The following RPS6KC1 variants were observed in gnomAD, a reference collection of about 807,000 sequenced individuals.
The protein encoded by RPS6KC1 is ribosomal protein S6 kinase C1, also known as inactive ribosomal protein S6 kinase delta-1.
In RPS6KC1, 54 loss-of-function variants were observed where a neutral mutation model predicts 103.8. That is an observed-to-expected ratio of 0.52 (90% CI 0.42 to 0.65). The LOEUF (loss-of-function observed/expected upper bound fraction) is 0.65. RPS6KC1 is among the 30% of genes least tolerant of loss of function. RPS6KC1 has a pLI of 0.00. For missense variants in RPS6KC1, 1,151 were observed against 1,253.8 expected, an observed-to-expected ratio of 0.92 and a Z score of 1.24; for synonymous variants, 439 against 438.7, an observed-to-expected ratio of 1.00 and a Z score of -0.01.
the RPS6KC1 span, among the ~76,000 whole-genome samples, chr1:213,596,621 C>T: frequency 2.6e-5 from 4 of 152,142 alleles, no homozygotes; most frequent in East Asian, 7.7e-4. Flanking sequence ...GCCCACCACT[C>T]CTGGTTTGAT....
At chr1:213,551,619 C>T in the RPS6KC1 span, among the ~76,000 whole-genome samples, 2 of 152,148 alleles carry the variant, frequency 1.3e-5, no homozygotes, top group African/African-American at 4.8e-5. Context: ...GTATATATTG[C>T]CCCGACACAG....
At chr1:213,249,080 A>G (rs927695897) in intron 12 of RPS6KC1, among the ~76,000 whole-genome samples, 5 of 152,200 alleles carry the variant, frequency 3.3e-5, no homozygotes, top group African/African-American at 1.2e-4. Context: ...CAGAAGAGGA[A>G]CATGAGACTA....
chr1:213,540,423 AACCTCC>A, the RPS6KC1 span, among the ~76,000 whole-genome samples: 2 of 152,200 alleles, frequency 1.3e-5, no homozygotes, highest in African/African-American at 4.8e-5. Context: ...GGCTTACTGC[AACCTCC>A]ACCTCCTGGG....
chr1:213,413,177 A>C, the RPS6KC1 span, among the ~76,000 whole-genome samples: 1 of 152,202 alleles, frequency 6.6e-6, no homozygotes, highest in Non-Finnish European at 1.5e-5. Context: ...GATATATGTG[A>C]TATTTTGATA....
the RPS6KC1 span, among the ~76,000 whole-genome samples, chr1:213,626,641 A>G: frequency 1.6e-4 from 25 of 152,372 alleles, no homozygotes; most frequent in African/African-American, 5.0e-4. Flanking sequence ...AGCTTTCTAC[A>G]TATGGCTAGC....
At chr1:213,718,775 A>G in the RPS6KC1 span, among the ~76,000 whole-genome samples, 1 of 152,092 alleles carries the variant, frequency 6.6e-6, no homozygotes, top group Admixed American at 6.5e-5. Flanking sequence ...TGCTTCTCTG[A>G]TTTGCACTTG....
intron 10 of RPS6KC1, among the ~76,000 whole-genome samples, chr1:213,239,269 T>C (rs1397976828): frequency 6.6e-6 from 1 of 151,054 alleles, no homozygotes; most frequent in African/African-American, 2.4e-5. Context: ...ACCGAGGAGG[T>C]GGAGGCTTCA....
the RPS6KC1 span, among the ~76,000 whole-genome samples, chr1:213,437,564 A>G: frequency 2.0e-5 from 3 of 152,042 alleles, no homozygotes; most frequent in Admixed American, 6.5e-5. Flanking sequence ...TTTCTTAAAT[A>G]TTTAGAAAAA....
At chr1:213,097,585 G>A (rs2081583034) in intron 3 of RPS6KC1, among the ~76,000 whole-genome samples, 3 of 152,234 alleles carry the variant, frequency 2.0e-5, no homozygotes, top group Non-Finnish European at 2.9e-5. Flanking sequence ...TCTAACAGAA[G>A]AGTCAGCCTG....
the RPS6KC1 span, among the ~76,000 whole-genome samples, chr1:213,582,865 G>C: frequency 2.0e-5 from 3 of 152,162 alleles, no homozygotes; most frequent in Non-Finnish European, 2.9e-5. Flanking sequence ...AGATTAAGCT[G>C]TAGAACATTG....
intron 3 of RPS6KC1, among the ~76,000 whole-genome samples, chr1:213,094,322 G>A (rs1368790307): frequency 4.0e-5 from 6 of 150,924 alleles, no homozygotes; most frequent in Non-Finnish European, 1.5e-5. Context: ...TAACATTGAT[G>A]CAATATTATA....
chr1:213,701,578 T>C, the RPS6KC1 span, among the ~76,000 whole-genome samples: 1 of 152,070 alleles, frequency 6.6e-6, no homozygotes, highest in Middle Eastern at 3.2e-3. Flanking sequence ...TAATTATGGC[T>C]TTGATCTCAT....
At chr1:213,188,469 T>G (rs190399493) in intron 8 of RPS6KC1, among the ~76,000 whole-genome samples, 25 of 152,160 alleles carry the variant, frequency 1.6e-4, no homozygotes, top group African/African-American at 5.8e-4. Context: ...TATCTCATTC[T>G]CATATTTGAA....
the RPS6KC1 span, among the ~76,000 whole-genome samples, chr1:213,849,785 C>T: frequency 6.6e-6 from 1 of 152,040 alleles, no homozygotes; most frequent in Non-Finnish European, 1.5e-5. Flanking sequence ...TGAGGTCTCT[C>T]AGTAAAATTC....
chr1:213,319,312 CAAA>C, the RPS6KC1 span, among the ~76,000 whole-genome samples: 4 of 90,566 alleles, frequency 4.4e-5, no homozygotes, highest in African/African-American at 1.7e-4. Context: ...GACTCTGTCT[CAAA>C]AAAAAAAAAA....
chr1:213,783,815 CAAAAAAAAAAAAAA>C, the RPS6KC1 span, among the ~76,000 whole-genome samples: 4 of 65,996 alleles, frequency 6.1e-5, no homozygotes, highest in Admixed American at 2.0e-4. Context: ...AAGATGTTGC[CAAAAAAAAAAAAAA>C]AAAAAAAAAA....
chr1:213,482,617 C>T, the RPS6KC1 span, among the ~76,000 whole-genome samples: 51 of 121,078 alleles, frequency 4.2e-4, no homozygotes, highest in African/African-American at 1.2e-3. Flanking sequence ...GGCGTGATCT[C>T]GGCTCACTGC....
the RPS6KC1 span, chr1:213,821,505 G>T: frequency 6.6e-6 from 1 of 152,218 alleles, no homozygotes; most frequent in South Asian, 2.1e-4. Context: ...TCACATATTT[G>T]CCGTAAATCT....
chr1:213,397,193 C>T, the RPS6KC1 span, among the ~76,000 whole-genome samples: 7 of 152,220 alleles, frequency 4.6e-5, no homozygotes, highest in South Asian at 2.1e-4. Flanking sequence ...CATATAAGCA[C>T]GTGGAAGCCC....
Sources: allele counts gnomAD v4.1 joint callset (sites outside exome capture counted in the v4.1 genomes callset), GRCh38; gene constraint gnomAD v4.1.1; transcripts MANE v1.5; gene names NCBI Gene and HGNC (gene_info 2026-07-23, HGNC 2026-07-21).